ADGRG5: variants seen among roughly 807,000 people sequenced by gnomAD.
The protein encoded by ADGRG5 is adhesion G protein-coupled receptor G5.
In ADGRG5, 37 loss-of-function variants were observed where a neutral mutation model predicts 53.2. The ratio of observed to expected loss-of-function variants is 0.70; its 90% CI spans 0.53 to 0.91. ADGRG5 has a LOEUF of 0.91. Among genes scored for constraint, ADGRG5 ranks in the 40% least tolerant of loss-of-function variants. The pLI, the probability that ADGRG5 is intolerant of heterozygous loss-of-function variation, is 0.00. For synonymous variants in ADGRG5, 277 were observed against 290.4 expected (o/e 0.95, Z 0.47); for missense variants, 614 against 675.8 (o/e 0.91, Z 1.01).
chr16:57,574,732 C>G lies in ADGRG5; in HGVS notation c.1209-83C>G. 2.1e-6 allele frequency: 3 copies of G among 1,413,702 alleles called. No individual in the cohort carries two copies. Among genetic ancestry groups the G allele is most frequent in the Non-Finnish European group, 2.8e-6 (3 of 1,055,936 alleles). 87.6% of individuals were successfully genotyped at this position (1,413,702 alleles called of 1,614,324 possible). A position where few individuals can be genotyped will look rare whatever the true frequency, so the allele number is the denominator to read the frequency against. ...AACAATAGGGCCTGAGCCAGGAGAC[C>G]GAGTGGGGCTTCAGGGAGTGATGCT... On this transcript the variant is annotated intron_variant, in intron 10 of 11. Coordinates refer to ENST00000349457, the MANE Select transcript of ADGRG5 (RefSeq NM_001304376.3). This position sits in a 1 kb window ranked among gnomAD's most constrained non-coding sequence, Gnocchi z 4.4.
intron 1 of ADGRG5, among the ~76,000 whole-genome samples, chr16:57,544,614 A>G (rs1426998334): frequency 2.6e-5 from 4 of 152,072 alleles, no homozygotes; most frequent in Non-Finnish European, 4.4e-5. Flanking sequence ...AAATCCATCT[A>G]TCTCTCTGGG....
intron 10 of ADGRG5, among the ~76,000 whole-genome samples, chr16:57,573,490 A>T (rs2033421895): frequency 6.6e-6 from 1 of 151,362 alleles, no homozygotes. Context: ...GCAGAGATTG[A>T]TTGAAAATGA....
chr16:57,541,285 A>G (rs1005843371), upstream of ADGRG5, among the ~76,000 whole-genome samples: 1 of 152,220 alleles, frequency 6.6e-6, no homozygotes, highest in African/African-American at 2.4e-5. Context: ...TTGGGCTCAC[A>G]TTCAGCATGA....
intron 9 of ADGRG5, among the ~76,000 whole-genome samples, chr16:57,570,189 C>T (rs1324727792): frequency 6.6e-6 from 1 of 152,178 alleles, no homozygotes; most frequent in African/African-American, 2.4e-5. Context: ...CCAGTGTGAC[C>T]ACTCCTCCCT....
rs748578110 is a variant in ADGRG5 at position 57,567,542 on chromosome 16, A to G, written c.772A>G (p.Ile258Val). The G allele has an allele frequency of 5.0e-6, 8 of 1,611,920 alleles. No individual in the cohort carries two copies. The East Asian group carries it at 1.8e-4, about 36-fold the overall frequency. ...GTACATCTCCCTCGTGGGCTGCAGC[A>G]TCTCCATCGTGGCCTCGCTGATCAC... ...LTYISLVGCS[I>V]SIVASLITVL... Residue 258 changes from isoleucine to valine, a missense_variant, in exon 8 of 12, where the codon ATC (isoleucine) becomes GTC (valine). Ile to Val is a conservative substitution (Grantham distance 29). Transcript: ENST00000349457.
chr16:57,547,438 TGTTTGTTTTTG>T (rs1310149598), intron 1 of ADGRG5, among the ~76,000 whole-genome samples: 5 of 152,228 alleles, frequency 3.3e-5, no homozygotes, highest in African/African-American at 1.2e-4. Context: ...CTTTGTTTTT[TGTTTGTTTTTG>T]GTTTTGTTTT....
intron 2 of ADGRG5, 91 bp from the exon 3 acceptor site, chr16:57,562,293 A>G (rs578137104): frequency 7.0e-7 from 1 of 1,419,680 alleles, no homozygotes; most frequent in Non-Finnish European, 9.8e-7. Flanking sequence ...CTGCTTGTGA[A>G]CTAGACTCTC....
In ADGRG5 at chr16:57,563,993, C is replaced by T. The variant is rs201896883; in HGVS notation, c.429+14C>T. Reference sequence around the variant, plus strand: ...CACTTTTTCAAGGTCAGTGTGATGGCGGGCCAAGGAGGGTGGGTGCCGGCC... The same window carrying T: ...CACTTTTTCAAGGTCAGTGTGATGGTGGGCCAAGGAGGGTGGGTGCCGGCC... On this transcript the variant is annotated intron_variant, in intron 5 of 11. Transcript: ENST00000349457. The T allele has an allele frequency of 5.2e-4, 837 of 1,606,940 alleles. No homozygotes were observed. The highest frequency in any genetic ancestry group is 3.3e-3 in the Middle Eastern group (20 of 6,040).
chr16:57,536,686 T>G, the ADGRG5 span: 1 of 152,026 alleles, frequency 6.6e-6, no homozygotes, highest in South Asian at 2.1e-4. Flanking sequence ...GCGGCCCCGC[T>G]GTGACCCCGG....
intron 1 of ADGRG5, among the ~76,000 whole-genome samples, chr16:57,552,085 A>T (rs140510263): frequency 6.6e-6 from 1 of 152,040 alleles, no homozygotes; most frequent in East Asian, 1.9e-4. Context: ...TCAGGAAACT[A>T]TGCTATAAAT....
chr16:57,575,137 G>A (rs200881898), intron 11 of ADGRG5, 45 bp downstream of exon 11: 2 of 1,573,982 alleles, frequency 1.3e-6, no homozygotes, highest in East Asian at 4.5e-5. Flanking sequence ...GGCAGGGGGT[G>A]TATGGCTGGT....
At chr16:57,534,015 T>G in the ADGRG5 span, among the ~76,000 whole-genome samples, 1 of 152,210 alleles carries the variant, frequency 6.6e-6, no homozygotes, top group Non-Finnish European at 1.5e-5. Context: ...TTCGTTGTCC[T>G]GCCTCCCAAC....
intron 1 of ADGRG5, among the ~76,000 whole-genome samples, chr16:57,550,267 C>T (rs558459115): frequency 1.3e-5 from 2 of 152,298 alleles, no homozygotes; most frequent in Admixed American, 1.3e-4. Flanking sequence ...CATGAGCCAC[C>T]GCGCCCGGCC....
intron 1 of ADGRG5, among the ~76,000 whole-genome samples, chr16:57,544,831 C>A (rs1168394032): frequency 1.3e-5 from 2 of 152,146 alleles, no homozygotes; most frequent in Non-Finnish European, 2.9e-5. Context: ...CTCTGTCACC[C>A]AGGCCGGAGT....
Position 57,565,146 on chromosome 16 carries a change from G to C in ADGRG5, c.542G>C (p.Ser181Thr). Reference sequence around the variant, plus strand: ...AACATCAGCTTCTGGCACAACCAAAGCCTGGTACTGCTGGGGGCGCCCCCG... The same window carrying C: ...AACATCAGCTTCTGGCACAACCAAACCCTGGTACTGCTGGGGGCGCCCCCG... ...PVNISFWHNQ[S>T]LEGYTLTCVF... is the part of the protein sequence containing the mutation. The change falls in exon 6 of 12, where the codon AGC becomes ACC. Residue 181 changes from serine (S) to threonine (T), a missense_variant. Coordinates refer to ENST00000349457, the MANE Select transcript of ADGRG5 (RefSeq NM_001304376.3). 1 of 1,603,436 alleles carries C rather than the reference G, an allele frequency of 6.2e-7. No homozygotes were observed. Among genetic ancestry groups the C allele is most frequent in the Non-Finnish European group, 8.5e-7 (1 of 1,170,382 alleles).
upstream of ADGRG5, among the ~76,000 whole-genome samples, chr16:57,539,902 G>T (rs1050088303): frequency 3.3e-5 from 5 of 152,058 alleles, no homozygotes; most frequent in Non-Finnish European, 7.4e-5. Flanking sequence ...ATTGAAAAAT[G>T]GGGAAAAATA....
Position 57,568,746 on chromosome 16 carries a change from CA to C in ADGRG5, c.1090+623del, listed in dbSNP as rs551629161. 2.6e-3 allele frequency among the ~76,000 whole-genome samples: 392 copies of C among 151,380 alleles called. 4 individuals carry two copies. The highest frequency in any genetic ancestry group is 9.2e-3 in the African/African-American group (379 of 41,098). ...CCATCATCACCTCTTCCACCTCCATCACCTCCATCACCACCACCTCCACCTC... is the reference window on the plus strand; with the variant it reads ...CCATCATCACCTCTTCCACCTCCATCCCTCCATCACCACCACCTCCACCTC... On this transcript the variant is annotated intron_variant, in intron 9 of 11. Coordinates refer to ENST00000349457, the MANE Select transcript of ADGRG5 (RefSeq NM_001304376.3).
chr16:57,532,079 C>A, the ADGRG5 span, among the ~76,000 whole-genome samples: 1 of 152,204 alleles, frequency 6.6e-6, no homozygotes, highest in African/African-American at 2.4e-5. Context: ...CTGTCCCTTT[C>A]TGGGCCTCAG....
At chr16:57,539,450 A>AC (rs767751490), upstream of ADGRG5, among the ~76,000 whole-genome samples, 488 of 77,020 alleles carry the variant, frequency 6.3e-3, 4 homozygotes, top group Non-Finnish European at 8.0e-3. Context: ...ATTGCACTGT[A>AC]CCCCTTTTTT....
Sources: gnomAD v4.1 joint callset for allele counts (sites outside exome capture counted in the v4.1 genomes callset) on GRCh38, gnomAD v4.1.1 for gene constraint, Gnocchi (gnomAD v3.1) non-coding constraint, MANE v1.5 for transcripts, NCBI Gene and HGNC (gene_info 2026-07-23, HGNC 2026-07-21) for gene names.